The following DRD1 variants were observed in gnomAD, a reference collection of about 807,000 sequenced individuals.
DRD1 encodes D(1A) dopamine receptor.
A neutral mutation model predicts 23.8 loss-of-function variants in DRD1; 2 were observed. The ratio of observed to expected loss-of-function variants is 0.08; its 90% confidence interval spans 0.03 to 0.26. The LOEUF is 0.26. Among genes scored for constraint, DRD1 ranks in the 10% least tolerant of loss-of-function variants. The pLI is 1.00. For synonymous variants in DRD1, 218 were observed against 225.7 expected (o/e 0.97, Z 0.30); for missense variants, 376 against 559.0 (o/e 0.67, Z 3.30).
At position 175,442,960 on chromosome 5, in the gene DRD1, G is replaced by A. The variant is rs1246457079; in HGVS notation, c.140C>T (p.Ala47Val). The A allele has an allele frequency of 6.2e-7, 1 of 1,613,946 alleles. No individual in the cohort carries two copies. The highest frequency in any genetic ancestry group is 8.5e-7 in the Non-Finnish European group (1 of 1,180,036). Residue 47 changes from alanine to valine, a missense_variant, in exon 2 of 2, where the codon GCC (alanine) becomes GTC (valine). Physicochemically the swap from Ala to Val is moderately conservative, Grantham distance 64. Around this residue, in one of 5 missense-constraint regions of DRD1, gnomAD observed 121 missense variants for 239.4 expected, o/e 0.51. Transcript: ENST00000393752. This position sits in a 1 kb window ranked among gnomAD's most constrained non-coding sequence, Gnocchi z 7.3. The part of the protein sequence containing the change: ...TLLGNTLVCA[A>V]VIRFRHLRSK... ...CCGCAGGTGTCGGAACCTGATAACGGCAGCACAGACCAGCGTGTTCCCCAG... is the reference window on the plus strand; with the variant it reads ...CCGCAGGTGTCGGAACCTGATAACGACAGCACAGACCAGCGTGTTCCCCAG...
Position 175,443,828 on chromosome 5 carries a change from C to A in DRD1, c.-613G>T. 6.5e-6 allele frequency: 1 copy of A among 152,998 alleles called. No individual in the cohort carries two copies. The highest frequency in any genetic ancestry group is 1.5e-5 in the Non-Finnish European group (1 of 68,600). The allele number at this position is 152,998 out of a possible 1,614,324, so 9.5% of individuals were successfully genotyped here. A position where few individuals can be genotyped will look rare whatever the true frequency, so the allele number is the denominator to read the frequency against. On this transcript the variant is annotated 5_prime_UTR_variant, in exon 1 of 2. Transcript: ENST00000393752. Reference sequence around the variant, plus strand: ...GCTGCGCGCAGCAGGGGTTCGGCTCCCGGTGCGCAAAAATCGCCGGGGTGC... The same window carrying A: ...GCTGCGCGCAGCAGGGGTTCGGCTCACGGTGCGCAAAAATCGCCGGGGTGC...
chr5:175,441,602 T>C lies in DRD1; in HGVS notation c.*157A>G, dbSNP rs1758518702. ...GAACAACACAGAAAATACACTGGAATGTATTTGGAAACGGAGTTAATTGTG... is the reference window on the plus strand; with the variant it reads ...GAACAACACAGAAAATACACTGGAACGTATTTGGAAACGGAGTTAATTGTG... On this transcript the variant is annotated 3_prime_UTR_variant, in exon 2 of 2. Transcript: ENST00000393752. 2.3e-6 allele frequency: 2 copies of C among 877,674 alleles called. No homozygotes were observed. Among genetic ancestry groups the C allele is most frequent in the Non-Finnish European group, 3.4e-6 (2 of 590,330 alleles). 54.4% of individuals were successfully genotyped at this position (877,674 alleles called of 1,614,324 possible).
chr5:175,440,360 T>C lies in DRD1; in HGVS notation c.*1399A>G, dbSNP rs1475283805. 6.6e-6 allele frequency: 1 copy of C among 152,158 alleles called. No homozygotes were observed. The highest frequency in any genetic ancestry group is 1.5e-5 in the Non-Finnish European group (1 of 68,018). The allele number at this position is 152,158 out of a possible 1,614,324, so 9.4% of individuals were successfully genotyped here. ...AAGGACTAGCATTTGTCAAAAGAGA[T>C]GCTGATGGCTTTGGGGGAGCTCAAC... is the stretch of plus-strand genomic sequence containing the variant. On this transcript the variant is annotated 3_prime_UTR_variant, in exon 2 of 2. Coordinates refer to ENST00000393752, the MANE Select transcript of DRD1 (RefSeq NM_000794.5).
At chr5:175,443,623 C>G (rs190667188) in intron 1 of DRD1, 41 bp from the exon 2 acceptor site, 24 of 168,208 alleles carry the variant, frequency 1.4e-4, no homozygotes, top group Admixed American at 1.4e-3. Context: ...TTCTCCAAGA[C>G]TTAAGCAGAT....
chr5:175,441,587 G>T lies in DRD1; in HGVS notation c.*172C>A. 1.3e-6 allele frequency: 1 copy of T among 792,242 alleles called. No individual in the cohort carries two copies. The highest frequency in any genetic ancestry group is 1.9e-6 in the Non-Finnish European group (1 of 521,544). 49.1% of individuals were successfully genotyped at this position (792,242 alleles called of 1,614,324 possible). On this transcript the variant is annotated 3_prime_UTR_variant, in exon 2 of 2. Transcript: ENST00000393752. Reference sequence around the variant, plus strand: ...TGTTTGATTGACTATGAACAACACAGAAAATACACTGGAATGTATTTGGAA... The same window carrying T: ...TGTTTGATTGACTATGAACAACACATAAAATACACTGGAATGTATTTGGAA...
In DRD1 at chr5:175,443,107, A is replaced by C. The variant is rs1361016938; in HGVS notation, c.-8T>G. 6.2e-7 allele frequency: 1 copy of C among 1,610,806 alleles called. No homozygotes were observed. Among genetic ancestry groups the C allele is most frequent in the Non-Finnish European group, 8.5e-7 (1 of 1,178,008 alleles). On this transcript the variant is annotated 5_prime_UTR_variant, in exon 2 of 2. Transcript: ENST00000393752. ...GGTGTTCAGAGTCCTCATCTTCCTA[A>C]GAGAAAGCACATCAGGGGCTCTGAC...
chr5:175,442,557 C>A lies in DRD1; in HGVS notation c.543G>T (p.Glu181Asp), dbSNP rs748544904. Residue 181 changes from glutamate (E) to aspartate (D), a missense_variant, in exon 2 of 2, where the codon GAG becomes GAT. Glu to Asp is a conservative substitution (Grantham distance 45). Around this residue, in one of 5 missense-constraint regions of DRD1, gnomAD observed 121 missense variants for 239.4 expected, o/e 0.51. Coordinates refer to ENST00000393752, the MANE Select transcript of DRD1 (RefSeq NM_000794.5). The surrounding 1 kb of genome is among the most constrained non-coding windows in gnomAD (Gnocchi z 7.3). The stretch of plus-strand genomic sequence containing the variant: ...GGCTGGAGTCACAGTTGTCTATGGT[C>A]TCAGCCAGGGAAGTGGCATTTCCAT... Reference protein sequence around the residue: ...PSDGNATSLAETIDNCDSSLS... With the variant: ...PSDGNATSLADTIDNCDSSLS... 1 of 1,614,168 alleles carries A rather than the reference C, an allele frequency of 6.2e-7. No individual in the cohort carries two copies. The highest frequency in any genetic ancestry group is 1.1e-5 in the South Asian group (1 of 91,078).
rs751782298 is a variant in DRD1, at chr5:175,442,711, C to T, written c.389G>A (p.Arg130Gln). Residue 130 changes from arginine (R) to glutamine (Q), a missense_variant, in exon 2 of 2, where the codon CGG becomes CAG. By Grantham distance (43) the Arg-to-Gln change is conservative. This residue lies in a region of DRD1 where 121 missense variants were observed against 239.4 expected (regional missense o/e 0.51). Coordinates refer to ENST00000393752, the MANE Select transcript of DRD1 (RefSeq NM_000794.5). The surrounding 1 kb of genome is among the most constrained non-coding windows in gnomAD (Gnocchi z 7.3). ...CTTGGGGGTCATCTTTCTCTCATAC[C>T]GGAAAGGGCTGGAGATAGCCCAATA... ...DRYWAISSPF[R>Q]YERKMTPKAA... 1.8e-5 allele frequency: 29 copies of T among 1,613,884 alleles called. No individual in the cohort carries two copies. Among genetic ancestry groups the T allele is most frequent in the African/African-American group, 4.0e-5 (3 of 74,838 alleles).
Position 175,440,784 on chromosome 5 carries a change from G to T in DRD1, c.*975C>A, listed in dbSNP as rs781277406. 1 of 152,636 alleles carries T rather than the reference G, an allele frequency of 6.6e-6. No homozygotes were observed. Among genetic ancestry groups the T allele is most frequent in the African/African-American group, 2.4e-5 (1 of 41,446 alleles). The allele number at this position is 152,636 out of a possible 1,614,324, so 9.5% of individuals were successfully genotyped here. ...TACCACCTAAGATCGTAAATTTAAT[G>T]CTGGGCTCTTCTTAAGTTGGCTTTT... On this transcript the variant is annotated 3_prime_UTR_variant, in exon 2 of 2. Coordinates refer to ENST00000393752, the MANE Select transcript of DRD1 (RefSeq NM_000794.5).
chr5:175,444,043 G>A lies in DRD1; in HGVS notation c.-828C>T, dbSNP rs536150357. On this transcript the variant is annotated 5_prime_UTR_variant, in exon 1 of 2. Transcript: ENST00000393752. Reference sequence around the variant, plus strand: ...TTCTTTTCTTGGCTTCCTTTCGAGAGCCCAGAGCCTTGGCGAACCTCGGGC... The same window carrying A: ...TTCTTTTCTTGGCTTCCTTTCGAGAACCCAGAGCCTTGGCGAACCTCGGGC... The A allele has an allele frequency of 2.0e-5, 3 of 152,696 alleles. No homozygotes were observed. The highest frequency in any genetic ancestry group is 7.2e-5 in the African/African-American group (3 of 41,600). The allele number at this position is 152,696 out of a possible 1,614,324, so 9.5% of individuals were successfully genotyped here. A position where few individuals can be genotyped will look rare whatever the true frequency, so the allele number is the denominator to read the frequency against.
rs1413371712 is a variant in DRD1 at position 175,444,032 on chromosome 5, TCCTTTCGAGAGCCCAGAG to T, written c.-835_-818del. The T allele has an allele frequency of 6.6e-6, 1 of 152,454 alleles. No homozygotes were observed. Among genetic ancestry groups the T allele is most frequent in the Non-Finnish European group, 1.5e-5 (1 of 68,258 alleles). The allele number at this position is 152,454 out of a possible 1,614,324, so 9.4% of individuals were successfully genotyped here. A position where few individuals can be genotyped will look rare whatever the true frequency, so the allele number is the denominator to read the frequency against. ...ACCTGGGCAGCTTCTTTTCTTGGCTTCCTTTCGAGAGCCCAGAGCCTTGGCGAACCTCGGGCGGCCTTC... is the reference window on the plus strand; with the variant it reads ...ACCTGGGCAGCTTCTTTTCTTGGCTTCCTTGGCGAACCTCGGGCGGCCTTC... On this transcript the variant is annotated 5_prime_UTR_variant, in exon 1 of 2. Transcript: ENST00000393752.
rs1244153926 is a variant in DRD1 at position 175,442,262 on chromosome 5, C to G, written c.838G>C (p.Val280Leu). ...AAAGGTAGCCAACAGCACACAAACA[C>G]ACCCATGATCACCGACAGAGTCTTC... ...VLKTLSVIMG[V>L]FVCCWLPFFI... Residue 280 changes from valine (V) to leucine (L), a missense_variant, in exon 2 of 2, where the codon GTG becomes CTG. Physicochemically the swap from Val to Leu is conservative, Grantham distance 32 (BLOSUM62 1). Transcript: ENST00000393752. This position sits in a 1 kb window ranked among gnomAD's most constrained non-coding sequence, Gnocchi z 7.3. The G allele has an allele frequency of 6.2e-7, 1 of 1,614,008 alleles. No homozygotes were observed. Among genetic ancestry groups the G allele is most frequent in the Non-Finnish European group, 8.5e-7 (1 of 1,180,048 alleles).
rs572625837 is a variant in DRD1, at chr5:175,443,032, C to A, written c.68G>T (p.Arg23Leu). The A allele has an allele frequency of 2.0e-5, 32 of 1,614,164 alleles. No individual in the cohort carries two copies. The highest frequency in any genetic ancestry group is 2.2e-5 in the Non-Finnish European group (26 of 1,180,030). Residue 23 changes from arginine (R) to leucine (L), a missense_variant, in exon 2 of 2, where the codon CGT (arginine) becomes CTT (leucine). By Grantham distance (102) the Arg-to-Leu change is moderately radical (BLOSUM62 -2). This residue lies in a region of DRD1 where 47 missense variants were observed against 39.4 expected (regional missense o/e 1.19). Coordinates refer to ENST00000393752, the MANE Select transcript of DRD1 (RefSeq NM_000794.5). ...CGACAGGAAACAGGCAGTGAGGATA[C>A]GAACAGAGAAGTCCCTCTCCACCAC... ...GLVVERDFSV[R>L]ILTACFLSLL...
chr5:175,441,903 C>A lies in DRD1; in HGVS notation c.1197G>T (p.Glu399Asp). ...YLIPHAVGSS[E>D]DLKKEEAAGI... ...CAGCTGCCTCCTCCTTTTTCAGGTC[C>A]TCAGAGGAGCCCACAGCATGTGGGA... is the stretch of plus-strand genomic sequence containing the variant. Residue 399 changes from glutamate to aspartate, a missense_variant, in exon 2 of 2, where the codon GAG becomes GAT. Glu to Asp is a conservative substitution (Grantham distance 45). Transcript: ENST00000393752. 1.2e-6 allele frequency: 2 copies of A among 1,614,142 alleles called. No individual in the cohort carries two copies. The highest frequency in any genetic ancestry group is 1.7e-6 in the Non-Finnish European group (2 of 1,180,018).
chr5:175,441,561 C>G lies in DRD1; in HGVS notation c.*198G>C. On this transcript the variant is annotated 3_prime_UTR_variant, in exon 2 of 2. Transcript: ENST00000393752. ...ATGGCTCCCCATGTTTGTAGTGTCCCTGTTTGATTGACTATGAACAACACA... is the reference window on the plus strand; with the variant it reads ...ATGGCTCCCCATGTTTGTAGTGTCCGTGTTTGATTGACTATGAACAACACA... 1 of 585,524 alleles carries G rather than the reference C, an allele frequency of 1.7e-6. No individual in the cohort carries two copies. The allele number at this position is 585,524 out of a possible 1,614,324, so 36.3% of individuals were successfully genotyped here.
chr5:175,443,841 A>G lies in DRD1; in HGVS notation c.-626T>C, dbSNP rs575215390. The G allele has an allele frequency of 2.2e-4, 34 of 153,002 alleles. No homozygotes were observed. The highest frequency in any genetic ancestry group is 4.1e-4 in the South Asian group (2 of 4,826). 9.5% of individuals were successfully genotyped at this position (153,002 alleles called of 1,614,324 possible). ...GGGGTTCGGCTCCCGGTGCGCAAAA[A>G]TCGCCGGGGTGCGTTTGGGGAAAGG... On this transcript the variant is annotated 5_prime_UTR_variant, in exon 1 of 2. Transcript: ENST00000393752.
At position 175,443,384 on chromosome 5, in the gene DRD1, A is replaced by G; in HGVS notation, c.-285T>C. The G allele has an allele frequency of 2.2e-6, 1 of 463,436 alleles. No homozygotes were observed. Among genetic ancestry groups the G allele is most frequent in the South Asian group, 3.7e-5 (1 of 27,318 alleles). The allele number at this position is 463,436 out of a possible 1,614,324, so 28.7% of individuals were successfully genotyped here. A position where few individuals can be genotyped will look rare whatever the true frequency, so the allele number is the denominator to read the frequency against. On this transcript the variant is annotated 5_prime_UTR_variant, in exon 2 of 2. Coordinates refer to ENST00000393752, the MANE Select transcript of DRD1 (RefSeq NM_000794.5). Reference sequence around the variant, plus strand: ...AGAAAGCCCCTGAATTCCCCAAATAAAGCACTGGCTTTTTAGCATATTCTA... The same window carrying G: ...AGAAAGCCCCTGAATTCCCCAAATAGAGCACTGGCTTTTTAGCATATTCTA...
chr5:175,440,602 C>G lies in DRD1; in HGVS notation c.*1157G>C, dbSNP rs539050712. ...TGGAAATGCAGGGTTTGAGTTTGGT[C>G]CCTCAGTGGGGCTGCTGTAACCCAC... On this transcript the variant is annotated 3_prime_UTR_variant, in exon 2 of 2. Coordinates refer to ENST00000393752, the MANE Select transcript of DRD1 (RefSeq NM_000794.5). 1 of 152,718 alleles carries G rather than the reference C, an allele frequency of 6.5e-6. No homozygotes were observed. Among genetic ancestry groups the G allele is most frequent in the African/African-American group, 2.4e-5 (1 of 41,564 alleles). 9.5% of individuals were successfully genotyped at this position (152,718 alleles called of 1,614,324 possible). A position where few individuals can be genotyped will look rare whatever the true frequency, so the allele number is the denominator to read the frequency against.
In DRD1 at chr5:175,442,388, C is replaced by T. The variant is rs755902762; in HGVS notation, c.712G>A (p.Ala238Thr). 4.3e-6 allele frequency: 7 copies of T among 1,614,160 alleles called. No homozygotes were observed. The highest frequency in any genetic ancestry group is 1.7e-5 in the Admixed American group (1 of 60,032). The change falls in exon 2 of 2, where the codon GCC becomes ACC. Residue 238 changes from alanine (A) to threonine (T), a missense_variant. Coordinates refer to ENST00000393752, the MANE Select transcript of DRD1 (RefSeq NM_000794.5). This position sits in a 1 kb window ranked among gnomAD's most constrained non-coding sequence, Gnocchi z 7.3. ...CCTGTGGTGGTCTGGCAATTCTTGGCGTGGACTGCTGCCCTCTCCAAGGCC... is the reference window on the plus strand; with the variant it reads ...CCTGTGGTGGTCTGGCAATTCTTGGTGTGGACTGCTGCCCTCTCCAAGGCC... ...IAALERAAVH[A>T]KNCQTTTGNG... is the part of the protein sequence containing the mutation.
Sources: gnomAD v4.1 joint callset for allele counts on GRCh38, gnomAD v4.1.1 for gene constraint, gnomAD v4.1.1 regional missense constraint, Gnocchi (gnomAD v3.1) non-coding constraint, MANE v1.5 for transcripts, NCBI Gene and HGNC (gene_info 2026-07-23, HGNC 2026-07-21) for gene names.